The following ACTR5 variants were observed in gnomAD, a reference collection of about 807,000 sequenced individuals.
ACTR5 encodes actin related protein 5.
A neutral mutation model predicts 61.2 loss-of-function variants in ACTR5; 43 were observed. The ratio of observed to expected loss-of-function variants is 0.70; its 90% CI spans 0.55 to 0.91. ACTR5 has a LOEUF of 0.91. Among genes scored for constraint, ACTR5 ranks in the 40% least tolerant of loss-of-function variants. The pLI is 0.00. For synonymous variants in ACTR5, 333 were observed against 310.5 expected (o/e 1.07, Z -0.76); for missense variants, 798 against 782.2 (o/e 1.02, Z -0.24).
In ACTR5 at chr20:38,750,031, G is replaced by C. The variant is rs140420007; in HGVS notation, c.397G>C (p.Val133Leu). ...SSQGCVDHPI[V>L]LTEAVCNPLY... ...GTAGGGCTGTGTTGATCATCCCATA[G>C]TTTTGACAGAAGCTGTGTGCAACCC... is the stretch of plus-strand genomic sequence containing the variant. Residue 133 changes from valine to leucine, a missense_variant, in exon 2 of 9, where the codon GTT (valine) becomes CTT (leucine). Transcript: ENST00000243903. 3.7e-6 allele frequency: 6 copies of C among 1,614,030 alleles called. No homozygotes were observed. The African/African-American group carries it at 8.0e-5, about 22-fold the overall frequency.
At chr20:38,754,894 T>C in intron 3 of ACTR5, 63 bp from the exon 4 acceptor site, 8 of 1,561,016 alleles carry the variant, frequency 5.1e-6, no homozygotes, top group Non-Finnish European at 7.0e-6. Context: ...CAGCTGGTAT[T>C]GACTTTAATT....
At chr20:38,766,646 A>G (rs1568637979) in intron 7 of ACTR5, among the ~76,000 whole-genome samples, 2 of 152,188 alleles carry the variant, frequency 1.3e-5, no homozygotes, top group Non-Finnish European at 2.9e-5. Context: ...ACCCGATAAC[A>G]TGTACACTGG....
intron 5 of ACTR5, among the ~76,000 whole-genome samples, chr20:38,756,776 C>T (rs6071347): frequency 0.26 from 39,982 of 152,150 alleles, 6,746 homozygotes; most frequent in Non-Finnish European, 0.38. Context: ...TGGTGGCACA[C>T]GCCTGTGATC....
Position 38,755,572 on chromosome 20 carries a change from C to T in ACTR5, c.994-285C>T, listed in dbSNP as rs374366682. Among the ~76,000 whole-genome samples, 78 of 151,974 alleles carry T rather than the reference C, an allele frequency of 5.1e-4. 1 individual carries two copies. The South Asian group carries it at 0.016, about 31-fold the overall frequency. Reference sequence around the variant, plus strand: ...TTTCATGTCTCCTCTTAGTAACTTTCCCACCTTCCTTCACATCCCCCGCCC... The same window carrying T: ...TTTCATGTCTCCTCTTAGTAACTTTTCCACCTTCCTTCACATCCCCCGCCC... On this transcript the variant is annotated intron_variant, in intron 4 of 8. Transcript: ENST00000243903.
intron 5 of ACTR5, 44 bp from the exon 6 acceptor site, chr20:38,765,358 C>T (rs1282596781): frequency 7.1e-7 from 1 of 1,402,140 alleles, no homozygotes; most frequent in Non-Finnish European, 1.0e-6. Context: ...GAACTGAGGC[C>T]TGCTGAAGGT....
Position 38,771,562 on chromosome 20 carries a change from C to T in ACTR5, c.1570C>T (p.Gln524Ter). The change falls in exon 9 of 9, where the codon CAA becomes TAA. Residue 524 changes from glutamine to a stop codon, truncating the protein, a stop_gained. Transcript: ENST00000243903. LOFTEE classifies it high-confidence loss of function. ...CTGGTGAATCTTTGTGTTTCAGGTT[C>T]AACTTGCCTCGAACCCTGTGCTGGA... ...MRPFRSSFQV[Q>*]LASNPVLDAW... 2 of 1,610,596 alleles carry T rather than the reference C, an allele frequency of 1.2e-6. No homozygotes were observed. The highest frequency in any genetic ancestry group is 1.7e-6 in the Non-Finnish European group (2 of 1,177,610).
intron 5 of ACTR5, among the ~76,000 whole-genome samples, chr20:38,757,338 C>T (rs1200350631): frequency 1.3e-5 from 2 of 152,166 alleles, no homozygotes; most frequent in South Asian, 4.1e-4. Flanking sequence ...CTGGTTGAGT[C>T]GCCTGCCTTT....
At chr20:38,751,987 C>T (rs1051080138) in intron 2 of ACTR5, 144 bp from the exon 3 acceptor site, 85 of 911,686 alleles carry the variant, frequency 9.3e-5, no homozygotes, top group African/African-American at 6.4e-4. Flanking sequence ...GGAACTTCAA[C>T]GTCCCTTCTG....
intron 2 of ACTR5, among the ~76,000 whole-genome samples, chr20:38,751,876 C>G (rs537907648): frequency 6.6e-6 from 1 of 152,096 alleles, no homozygotes. Context: ...AAATATATGA[C>G]GAGACTCATT....
At chr20:38,768,475 A>C (rs2084501342) in intron 8 of ACTR5, among the ~76,000 whole-genome samples, 2 of 152,198 alleles carry the variant, frequency 1.3e-5, no homozygotes, top group South Asian at 2.1e-4. Flanking sequence ...TAAGCATCCG[A>C]GGCCTCTCCC....
At chr20:38,755,311 A>T in intron 4 of ACTR5, 137 bp downstream of exon 4, 1 of 857,252 alleles carries the variant, frequency 1.2e-6, no homozygotes. Context: ...GTCCAGGGGG[A>T]TCATCAGCAT....
chr20:38,764,176 T>G (rs2084471663), intron 5 of ACTR5, among the ~76,000 whole-genome samples: 1 of 152,192 alleles, frequency 6.6e-6, no homozygotes, highest in Non-Finnish European at 1.5e-5. Flanking sequence ...ATGTTGGTGA[T>G]TTACATACTT....
At chr20:38,768,165 A>G (rs1207087680) in intron 8 of ACTR5, among the ~76,000 whole-genome samples, 1 of 152,094 alleles carries the variant, frequency 6.6e-6, no homozygotes, top group African/African-American at 2.4e-5. Flanking sequence ...TGACTCCATC[A>G]TCACCATTAC....
At chr20:38,767,741 C>A in intron 8 of ACTR5, 145 bp downstream of exon 8, 1 of 892,682 alleles carries the variant, frequency 1.1e-6, no homozygotes, top group Non-Finnish European at 1.6e-6. Flanking sequence ...ATTTTTAAAG[C>A]AAAATGGGAA....
intron 2 of ACTR5, among the ~76,000 whole-genome samples, chr20:38,750,591 T>C (rs2084380956): frequency 7.5e-6 from 1 of 132,906 alleles, no homozygotes; most frequent in Non-Finnish European, 1.6e-5. Flanking sequence ...ATCTTTGTGT[T>C]CTGGAGTTTT....
At position 38,766,376 on chromosome 20, in the gene ACTR5, A is replaced by G. The variant is rs920980891; in HGVS notation, c.1432A>G (p.Arg478Gly). 1.3e-6 allele frequency: 2 copies of G among 1,576,882 alleles called. No homozygotes were observed. Among genetic ancestry groups the G allele is most frequent in the African/African-American group, 1.4e-5 (1 of 73,264 alleles). The change falls in exon 7 of 9, where the codon AGG becomes GGG. Residue 478 changes from arginine (R) to glycine (G), a missense_variant and splice_region_variant. Coordinates refer to ENST00000243903, the MANE Select transcript of ACTR5 (RefSeq NM_024855.4). ...IAETLQYILD[R>G]YPKDIQEMLV... ...AGAGACTCTTCAGTACATTCTGGAC[A>G]GGTGAGACAGCGAATCTGCTTTTCC...
chr20:38,750,467 C>T (rs562780590), intron 2 of ACTR5, among the ~76,000 whole-genome samples: 8 of 152,232 alleles, frequency 5.3e-5, no homozygotes, highest in Admixed American at 5.2e-4. Context: ...CTCTTAGTTC[C>T]ACATCCATAA....
At position 38,763,597 on chromosome 20, in the gene ACTR5, C is replaced by G. The variant is rs565162848; in HGVS notation, c.1177-1805C>G. Among the ~76,000 whole-genome samples, 12 of 152,350 alleles carry G rather than the reference C, an allele frequency of 7.9e-5. No homozygotes were observed. In the South Asian group the frequency reaches 8.3e-4, roughly 11 times the overall value. ...TATAGAACTCCAGCTTAAGGCAGAA[C>G]AAAGACTTTGGAACTGAGCAGTTCT... is the stretch of plus-strand genomic sequence containing the variant. On this transcript the variant is annotated intron_variant, in intron 5 of 8. Coordinates refer to ENST00000243903, the MANE Select transcript of ACTR5 (RefSeq NM_024855.4).
At chr20:38,769,474 A>T (rs2084507474) in intron 8 of ACTR5, among the ~76,000 whole-genome samples, 1 of 152,182 alleles carries the variant, frequency 6.6e-6, no homozygotes, top group Admixed American at 6.5e-5. Context: ...CTGGGGAGGG[A>T]AGTCGGACCT....
Sources: gnomAD v4.1 joint callset for allele counts (sites outside exome capture counted in the v4.1 genomes callset) on GRCh38, gnomAD v4.1.1 for gene constraint, MANE v1.5 for transcripts, NCBI Gene and HGNC (gene_info 2026-07-23, HGNC 2026-07-21) for gene names.